The following SLC10A7 variants were observed in gnomAD, a reference collection of about 807,000 sequenced individuals.
SLC10A7 encodes the protein solute carrier family 10 member 7, also known as sodium/bile acid cotransporter 7.
In SLC10A7, 29 loss-of-function variants were observed where a neutral mutation model predicts 43.2. That is an observed-to-expected ratio of 0.67 (90% CI 0.50 to 0.92). The LOEUF (loss-of-function observed/expected upper bound fraction) is 0.92, where lower values mean the gene tolerates loss of function less well. Ranked by LOEUF, SLC10A7 falls within the 40% of genes least tolerant of loss-of-function variation. The probability of loss-of-function intolerance (pLI) is 0.00; values close to 1 mark genes in which losing one functional copy is unlikely to be tolerated. For missense variants in SLC10A7, 295 were observed against 403.2 expected (o/e 0.73, Z 2.30); for synonymous variants, 152 against 144.8 (o/e 1.05, Z -0.35).
At chr4:146,496,728 G>C (rs1735933521) in intron 4 of SLC10A7, among the ~76,000 whole-genome samples, 1 of 151,866 alleles carries the variant, frequency 6.6e-6, no homozygotes, top group African/African-American at 2.4e-5. Flanking sequence ...GTCTCTTTGG[G>C]TCTACATTTC....
At chr4:146,367,498 GTATAGGT>G (rs1402258311) in intron 5 of SLC10A7, among the ~76,000 whole-genome samples, 1 of 152,104 alleles carries the variant, frequency 6.6e-6, no homozygotes, top group Non-Finnish European at 1.5e-5. Flanking sequence ...GTATTAGAGA[GTATAGGT>G]TCACAAAACC....
At chr4:146,498,488 A>C (rs1251469557) in intron 4 of SLC10A7, among the ~76,000 whole-genome samples, 1 of 152,150 alleles carries the variant, frequency 6.6e-6, no homozygotes, top group Non-Finnish European at 1.5e-5. Flanking sequence ...AGCCACAATC[A>C]CCACCAGCTG....
chr4:146,510,261 AAT>A (rs770102026), intron 2 of SLC10A7, among the ~76,000 whole-genome samples: 79 of 73,716 alleles, frequency 1.1e-3, no homozygotes, highest in South Asian at 1.4e-3. Flanking sequence ...AAATTTCTTA[AAT>A]TTTTTTTTTT....
At chr4:146,375,139 G>C (rs990071023) in intron 5 of SLC10A7, among the ~76,000 whole-genome samples, 1 of 152,206 alleles carries the variant, frequency 6.6e-6, no homozygotes, top group African/African-American at 2.4e-5. Context: ...CTGGGAGATG[G>C]AGGTTGCAGT....
intron 3 of SLC10A7, among the ~76,000 whole-genome samples, chr4:146,504,518 C>CAA (rs5862761): frequency 1.1e-4 from 10 of 88,532 alleles, no homozygotes; most frequent in South Asian, 4.1e-4. Flanking sequence ...GACTCCGTCT[C>CAA]AAAAAAAAAA....
intron 4 of SLC10A7, among the ~76,000 whole-genome samples, chr4:146,486,294 T>TTA (rs1301738034): frequency 2.0e-5 from 3 of 152,244 alleles, no homozygotes; most frequent in Non-Finnish European, 4.4e-5. Flanking sequence ...AGCTAGCCTT[T>TTA]TAATAGCAAT....
chr4:146,474,373 G>A lies in SLC10A7; in HGVS notation c.396+29476C>T, dbSNP rs577871498. On this transcript the variant is annotated intron_variant, in intron 4 of 11. Transcript: ENST00000335472. ...AAGAATTCTTACATTTTGACAAAAT[G>A]TAATGCATCTTCCAAGTCATTAAGT... is the stretch of plus-strand genomic sequence containing the variant. Among the ~76,000 whole-genome samples, 7 of 152,238 alleles carry A rather than the reference G, an allele frequency of 4.6e-5. No individual in the cohort carries two copies. The South Asian group carries it at 1.5e-3, about 32-fold the overall frequency.
intron 5 of SLC10A7, among the ~76,000 whole-genome samples, chr4:146,356,050 AAAT>A (rs1204348813): frequency 0.019 from 2,446 of 127,606 alleles, 50 homozygotes; most frequent in African/African-American, 0.054. Context: ...AAAAAAAAAA[AAAT>A]ATATATATAT....
intron 4 of SLC10A7, among the ~76,000 whole-genome samples, chr4:146,501,874 G>A (rs1560971521): frequency 6.6e-6 from 1 of 152,068 alleles, no homozygotes; most frequent in Non-Finnish European, 1.5e-5. Context: ...AGCATATCCT[G>A]TACCTTCAAA....
rs1434829284 is a variant in SLC10A7, at chr4:146,254,564, C to T, written c.*1927G>A. On this transcript the variant is annotated 3_prime_UTR_variant, in exon 12 of 12. Coordinates refer to ENST00000335472, the MANE Select transcript of SLC10A7 (RefSeq NM_001029998.6). ...AAACAAAGCACATTTTTAAAGCAAA[C>T]GATAAAATGTTATCATAGCATTTTC... 4 of 152,094 alleles carry T rather than the reference C, an allele frequency of 2.6e-5. No homozygotes were observed. Among genetic ancestry groups the T allele is most frequent in the African/African-American group, 4.8e-5 (2 of 41,406 alleles). 9.4% of individuals were successfully genotyped at this position (152,094 alleles called of 1,614,324 possible).
At chr4:146,481,580 C>G (rs1220327453) in intron 4 of SLC10A7, among the ~76,000 whole-genome samples, 1 of 152,174 alleles carries the variant, frequency 6.6e-6, no homozygotes, top group Non-Finnish European at 1.5e-5. Context: ...TCTGGAGCAC[C>G]CCTTCTTCCC....
intron 5 of SLC10A7, among the ~76,000 whole-genome samples, chr4:146,432,184 T>C (rs1729831316): frequency 6.6e-6 from 1 of 152,196 alleles, no homozygotes; most frequent in East Asian, 1.9e-4. Context: ...ACAATCCTGC[T>C]AGGAATGTAA....
chr4:146,406,844 G>A (rs1331225060), intron 5 of SLC10A7, among the ~76,000 whole-genome samples: 1 of 152,094 alleles, frequency 6.6e-6, no homozygotes. Flanking sequence ...TTAGCTGGGC[G>A]TGGTGGTGGG....
intron 5 of SLC10A7, among the ~76,000 whole-genome samples, chr4:146,342,918 T>G (rs963256997): frequency 6.6e-6 from 1 of 151,790 alleles, no homozygotes; most frequent in African/African-American, 2.4e-5. Context: ...TGCACATAAA[T>G]AAGAAGAGTA....
chr4:146,362,499 C>A (rs1736116049), intron 5 of SLC10A7, among the ~76,000 whole-genome samples: 2 of 151,992 alleles, frequency 1.3e-5, no homozygotes, highest in Admixed American at 6.5e-5. Flanking sequence ...CTATATACAG[C>A]AAAATTATCT....
At chr4:146,350,073 G>C (rs539973081) in intron 5 of SLC10A7, among the ~76,000 whole-genome samples, 2 of 151,972 alleles carry the variant, frequency 1.3e-5, no homozygotes, top group South Asian at 2.1e-4. Flanking sequence ...AGCTCCCAGC[G>C]TGAGCGACGC....
intron 7 of SLC10A7, among the ~76,000 whole-genome samples, chr4:146,305,568 G>C (rs891619586): frequency 7.8e-6 from 1 of 128,050 alleles, no homozygotes; most frequent in African/African-American, 3.1e-5. Flanking sequence ...AAAACTTAAA[G>C]TATAATAATA....
At chr4:146,356,654 C>T (rs180893921) in intron 5 of SLC10A7, among the ~76,000 whole-genome samples, 226 of 144,778 alleles carry the variant, frequency 1.6e-3, no homozygotes, top group Admixed American at 2.4e-3. Context: ...GTTCACACCA[C>T]TTGATATTAT....
chr4:146,354,594 C>T (rs1451651919), intron 5 of SLC10A7, among the ~76,000 whole-genome samples: 4 of 148,750 alleles, frequency 2.7e-5, no homozygotes, highest in Non-Finnish European at 6.0e-5. Context: ...AATCCTAAGC[C>T]AAAAGAACAA....
Sources: gnomAD v4.1 joint callset for allele counts (sites outside exome capture counted in the v4.1 genomes callset) on GRCh38, gnomAD v4.1.1 for gene constraint, MANE v1.5 for transcripts, NCBI Gene and HGNC (gene_info 2026-07-23, HGNC 2026-07-21) for gene names.